Variants in EZR observed in about 807,000 individuals in gnomAD.
EZR encodes the protein ezrin, also known as cytovillin 2.
Under a neutral mutation model 74.8 loss-of-function variants are expected in EZR, and 40 were observed. That is an observed-to-expected ratio of 0.53 (90% confidence interval 0.42 to 0.70). The LOEUF (loss-of-function observed/expected upper bound fraction) is 0.70. Among genes scored for constraint, EZR ranks in the 30% least tolerant of loss-of-function variants. The pLI, the probability that EZR is intolerant of heterozygous loss-of-function variation, is 0.00. For synonymous variants in EZR, 341 were observed against 283.3 expected, an observed-to-expected ratio of 1.20 and a Z score of -2.05; for missense variants, 678 against 755.8, an observed-to-expected ratio of 0.90 and a Z score of 1.21.
At chr6:158,784,893 G>A (rs1791529665) in intron 5 of EZR, among the ~76,000 whole-genome samples, 166 bp from the exon 6 acceptor site, 1 of 152,188 alleles carries the variant, frequency 6.6e-6, no homozygotes, top group Non-Finnish European at 1.5e-5. Context: ...ATTTATGACA[G>A]TTAATCTGGA....
intron 8 of EZR, 94 bp downstream of exon 8, chr6:158,776,314 C>CT (rs2128567715): frequency 9.7e-7 from 1 of 1,034,714 alleles, no homozygotes; most frequent in Admixed American, 1.8e-5. Flanking sequence ...TTTGGACTAT[C>CT]ACTGGCTACT....
At chr6:158,816,856 T>A (rs1440563494) in intron 2 of EZR, among the ~76,000 whole-genome samples, 1 of 152,056 alleles carries the variant, frequency 6.6e-6, no homozygotes, top group Non-Finnish European at 1.5e-5. Flanking sequence ...GAGGTCGAGG[T>A]AGGCAGATCA....
At chr6:158,803,609 A>G (rs1374559236) in intron 2 of EZR, among the ~76,000 whole-genome samples, 1 of 15,996 alleles carries the variant, frequency 6.3e-5, no homozygotes, top group Non-Finnish European at 1.2e-4. Flanking sequence ...ATATATACAT[A>G]TATATATATA....
Position 158,771,241 on chromosome 6 carries a change from C to T in EZR, c.959+3G>A. 1 of 1,609,810 alleles carries T rather than the reference C, an allele frequency of 6.2e-7. No individual in the cohort carries two copies. The highest frequency in any genetic ancestry group is 8.5e-7 in the Non-Finnish European group (1 of 1,177,938). On this transcript the variant is annotated splice_donor_region_variant and intron_variant, in intron 9 of 13. Coordinates refer to ENST00000367075, the MANE Select transcript of EZR (RefSeq NM_001111077.2). ...CCCCCCCACTCTGGCCTCACGCGCT[C>T]ACCGCTCCAGCTGCTTCTGATGCTT...
intron 10 of EZR, 78 bp from the exon 11 acceptor site, chr6:158,770,022 C>G (rs1012894562): frequency 4.5e-6 from 7 of 1,569,684 alleles, no homozygotes; most frequent in Non-Finnish European, 6.0e-6. Flanking sequence ...TTCCCACCCC[C>G]AAAGCCACAG....
At chr6:158,773,810 A>G (rs1229153155) in intron 8 of EZR, among the ~76,000 whole-genome samples, 1 of 152,278 alleles carries the variant, frequency 6.6e-6, no homozygotes, top group African/African-American at 2.4e-5. Flanking sequence ...CAGATGCCTC[A>G]GAGCCTTCTG....
chr6:158,797,732 G>GA (rs2128573186), intron 2 of EZR, among the ~76,000 whole-genome samples: 1 of 152,302 alleles, frequency 6.6e-6, no homozygotes, highest in South Asian at 2.1e-4. Flanking sequence ...TAAAAACTTT[G>GA]CAGCTATTTT....
chr6:158,815,148 G>C (rs1012401872), intron 2 of EZR, among the ~76,000 whole-genome samples: 5 of 152,100 alleles, frequency 3.3e-5, no homozygotes, highest in Admixed American at 2.6e-4. Flanking sequence ...TGAATAATTA[G>C]AATCAATAAA....
intron 10 of EZR, 128 bp downstream of exon 10, chr6:158,770,636 G>T (rs190552767): frequency 2.0e-6 from 2 of 1,014,288 alleles, no homozygotes; most frequent in South Asian, 1.5e-5. Context: ...TTATCATTTC[G>T]GCTGTGAGTC....
At chr6:158,770,989 A>C (rs1405061957) in intron 9 of EZR, 95 bp from the exon 10 acceptor site, 3 of 1,572,582 alleles carry the variant, frequency 1.9e-6, no homozygotes, top group African/African-American at 2.7e-5. Flanking sequence ...TCCAGGATGG[A>C]CTTGGTATCC....
chr6:158,772,424 A>G (rs570760489), intron 8 of EZR, among the ~76,000 whole-genome samples: 1 of 152,346 alleles, frequency 6.6e-6, no homozygotes, highest in East Asian at 1.9e-4. Context: ...CAGTCCCATT[A>G]GATGCTGGCG....
intron 2 of EZR, among the ~76,000 whole-genome samples, chr6:158,797,384 T>C (rs1183015091): frequency 2.0e-4 from 30 of 152,324 alleles, no homozygotes; most frequent in Admixed American, 2.0e-3. Context: ...CATTTGAATG[T>C]CTGAATTTCA....
chr6:158,785,150 T>C (rs918255466), intron 5 of EZR, among the ~76,000 whole-genome samples, 159 bp downstream of exon 5: 4 of 152,236 alleles, frequency 2.6e-5, no homozygotes, highest in Non-Finnish European at 5.9e-5. Context: ...TCCCTGGCTA[T>C]GTTTCAGGTC....
intron 2 of EZR, among the ~76,000 whole-genome samples, chr6:158,794,354 A>C (rs1308009379): frequency 6.6e-6 from 1 of 152,130 alleles, no homozygotes; most frequent in East Asian, 1.9e-4. Context: ...CAATTGAGAA[A>C]ACACATCTAA....
intron 2 of EZR, among the ~76,000 whole-genome samples, chr6:158,796,512 G>A (rs190308754): frequency 6.6e-6 from 1 of 152,188 alleles, no homozygotes; most frequent in Non-Finnish European, 1.5e-5. Context: ...TAATCTGTGA[G>A]CATCTTCCAG....
At chr6:158,786,116 G>A (rs779221752) in intron 4 of EZR, among the ~76,000 whole-genome samples, 24 of 151,916 alleles carry the variant, frequency 1.6e-4, no homozygotes, top group Non-Finnish European at 2.5e-4. Flanking sequence ...GCTCACGACT[G>A]TAATCCCAGC....
Position 158,783,781 on chromosome 6 carries a change from G to T in EZR, c.552-115C>A, listed in dbSNP as rs915623853. The T allele has an allele frequency of 2.5e-5, 28 of 1,137,302 alleles. 1 individual carries two copies. In the South Asian group the frequency reaches 2.6e-4, roughly 10 times the overall value. The allele number at this position is 1,137,302 out of a possible 1,614,324, so 70.5% of individuals were successfully genotyped here. ...CCTTGTGTAGGATGGGCTCAATGCT[G>T]TGTGCTGCGTGCAGGCAGGCAGGGG... On this transcript the variant is annotated intron_variant, in intron 6 of 13. Coordinates refer to ENST00000367075, the MANE Select transcript of EZR (RefSeq NM_001111077.2).
intron 2 of EZR, among the ~76,000 whole-genome samples, chr6:158,817,790 G>C (rs553239038): frequency 6.6e-6 from 1 of 152,292 alleles, no homozygotes; most frequent in African/African-American, 2.4e-5. Flanking sequence ...TTTAAAAACA[G>C]ACGGAAGCAG....
chr6:158,772,807 A>C (rs1417727822), intron 8 of EZR, among the ~76,000 whole-genome samples: 2 of 152,218 alleles, frequency 1.3e-5, no homozygotes, highest in Admixed American at 1.3e-4. Flanking sequence ...ACAAAAAAAC[A>C]GTGCGATATA....
Sources: gnomAD v4.1 joint callset for allele counts (sites outside exome capture counted in the v4.1 genomes callset) on GRCh38, gnomAD v4.1.1 for gene constraint, MANE v1.5 for transcripts, NCBI Gene and HGNC (gene_info 2026-07-23, HGNC 2026-07-21) for gene names.